The following TRMT44 variants were observed in gnomAD, a reference collection of about 807,000 sequenced individuals.
The protein encoded by TRMT44 is tRNA methyltransferase 44 homolog.
Under a neutral mutation model 77.3 loss-of-function variants are expected in TRMT44, and 78 were observed. The ratio of observed to expected loss-of-function variants is 1.01; its 90% CI spans 0.84 to 1.22. TRMT44 has a LOEUF of 1.22. Ranked by LOEUF, TRMT44 falls within the 50% of genes most tolerant of loss-of-function variation. TRMT44 has a pLI of 0.00. For missense variants in TRMT44, 1,090 were observed against 964.4 expected (o/e 1.13, Z -1.73); for synonymous variants, 391 against 383.3 (o/e 1.02, Z -0.23).
At chr4:8,503,343 A>G in the TRMT44 span, among the ~76,000 whole-genome samples, 1 of 152,226 alleles carries the variant, frequency 6.6e-6, no homozygotes, top group African/African-American at 2.4e-5. Flanking sequence ...TGGCTGCAGC[A>G]GTCGGACCGG....
Position 8,452,968 on chromosome 4 carries a change from C to T in TRMT44, c.1110C>T (p.Val370=), listed in dbSNP as rs193087059. ...TGGGATGTGGAAATGGCCTCCTGGT[C>T]CACATCCTGAGCAGTGAGGGGGTAA... is the stretch of plus-strand genomic sequence containing the variant. The part of the protein sequence containing the change: ...VDLGCGNGLL[V]HILSSEGHPG... Residue 370 remains valine (V), a synonymous_variant, in exon 5 of 11, where the codon GTC becomes GTT. Coordinates refer to ENST00000389737, the MANE Select transcript of TRMT44 (RefSeq NM_152544.3). The surrounding 1 kb of genome is among the most constrained non-coding windows in gnomAD (Gnocchi z 5.7). 1.1e-5 allele frequency: 17 copies of T among 1,529,802 alleles called. No homozygotes were observed. Among genetic ancestry groups the T allele is most frequent in the Non-Finnish European group, 1.5e-5 (17 of 1,144,026 alleles). 94.8% of individuals were successfully genotyped at this position (1,529,802 alleles called of 1,614,324 possible).
At chr4:8,463,892 C>A in intron 6 of TRMT44, 93 bp from the exon 7 acceptor site, 1 of 1,040,580 alleles carries the variant, frequency 9.6e-7, no homozygotes, top group Non-Finnish European at 1.5e-6. Context: ...CGCTGTGTGA[C>A]TCCAGAGCCT....
At position 8,476,004 on chromosome 4, in the gene TRMT44, T is replaced by C. The variant is rs537857986; in HGVS notation, c.*3T>C. ...CCCCGAGGAAGAAGATTTCATGAGC[T>C]GCATCCTTGCCAGCCGAGGCCTGGT... On this transcript the variant is annotated 3_prime_UTR_variant, in exon 11 of 11. Coordinates refer to ENST00000389737, the MANE Select transcript of TRMT44 (RefSeq NM_152544.3). 1.9e-6 allele frequency: 3 copies of C among 1,612,926 alleles called. No homozygotes were observed. The highest frequency in any genetic ancestry group is 4.5e-5 in the East Asian group (2 of 44,874).
At chr4:8,457,607 A>G (rs1227719371) in intron 6 of TRMT44, among the ~76,000 whole-genome samples, 2 of 152,186 alleles carry the variant, frequency 1.3e-5, no homozygotes, top group African/African-American at 4.8e-5. Context: ...GAGAACTACA[A>G]GAGAGAATAT....
intron 2 of TRMT44, among the ~76,000 whole-genome samples, chr4:8,485,872 C>T (rs549884176): frequency 1.3e-5 from 2 of 152,204 alleles, no homozygotes; most frequent in South Asian, 2.1e-4. Context: ...ATACCCACAA[C>T]AGTTATTGGG....
chr4:8,456,422 A>ACTTC (rs2109121270), intron 6 of TRMT44, among the ~76,000 whole-genome samples: 1 of 152,318 alleles, frequency 6.6e-6, no homozygotes, highest in Admixed American at 6.5e-5. Flanking sequence ...CAAGAAGCAG[A>ACTTC]GAAAAGTTAC....
downstream of TRMT44, among the ~76,000 whole-genome samples, chr4:8,480,630 T>G (rs1003674981): frequency 6.6e-6 from 1 of 152,226 alleles, no homozygotes; most frequent in South Asian, 2.1e-4. Context: ...CTTTATCTAT[T>G]GGGAAATTGC....
chr4:8,481,469 C>T (rs1727610517), downstream of TRMT44, among the ~76,000 whole-genome samples: 1 of 152,148 alleles, frequency 6.6e-6, no homozygotes, highest in Admixed American at 6.5e-5. Flanking sequence ...AAAACAAATA[C>T]TTTACAGGGA....
chr4:8,514,329 A>G, the TRMT44 span, among the ~76,000 whole-genome samples: 1 of 136,096 alleles, frequency 7.3e-6, no homozygotes, highest in Non-Finnish European at 1.5e-5. Context: ...ATCTCGGCTC[A>G]CTGCACCCTC....
the TRMT44 span, among the ~76,000 whole-genome samples, chr4:8,502,196 A>T: frequency 1.3e-5 from 2 of 152,236 alleles, no homozygotes; most frequent in Non-Finnish European, 2.9e-5. Flanking sequence ...ATACTCTGCC[A>T]GGAATGACTC....
At chr4:8,503,260 T>C in the TRMT44 span, among the ~76,000 whole-genome samples, 1 of 152,228 alleles carries the variant, frequency 6.6e-6, no homozygotes, top group Non-Finnish European at 1.5e-5. Flanking sequence ...GTCTACTCCA[T>C]TCACCTTGCA....
intron 2 of TRMT44, among the ~76,000 whole-genome samples, chr4:8,483,880 G>A (rs533499566): frequency 6.6e-6 from 1 of 152,282 alleles, no homozygotes; most frequent in East Asian, 1.9e-4. Context: ...AGACTAAGAG[G>A]TATTTTAGTT....
intron 2 of TRMT44, among the ~76,000 whole-genome samples, chr4:8,489,876 C>G (rs186379829): frequency 1.3e-5 from 2 of 152,322 alleles, no homozygotes; most frequent in Non-Finnish European, 2.9e-5. Flanking sequence ...AGGAGTCCTG[C>G]TAAGGCACAG....
chr4:8,487,626 C>T lies in TRMT44; in HGVS notation n.3892-5640C>T, dbSNP rs574519990. ...GGATTGGGGTACAGAGATAAGAGGT[C>T]GGGGCGTGGAAATAAGGGATTGGGG... is the stretch of plus-strand genomic sequence containing the variant. On this transcript the variant is annotated intron_variant and non_coding_transcript_variant, in intron 2 of 2. Transcript: ENST00000511366. Among the ~76,000 whole-genome samples the T allele has an allele frequency of 1.2e-3, 188 of 150,572 alleles. 1 individual carries two copies. The Middle Eastern group carries it at 0.021, about 17-fold the overall frequency.
the TRMT44 span, among the ~76,000 whole-genome samples, chr4:8,514,175 A>G: frequency 6.6e-6 from 1 of 151,846 alleles, no homozygotes; most frequent in African/African-American, 2.4e-5. Flanking sequence ...CCAGCTCTGC[A>G]CAGGGCACCT....
intron 2 of TRMT44, among the ~76,000 whole-genome samples, chr4:8,448,438 A>T (rs1230617458): frequency 6.6e-6 from 1 of 152,068 alleles, no homozygotes; most frequent in Non-Finnish European, 1.5e-5. Flanking sequence ...AGTGTGGCCG[A>T]GGTATGTGGG....
At chr4:8,449,272 T>C (rs1328366436) in intron 2 of TRMT44, among the ~76,000 whole-genome samples, 1 of 152,248 alleles carries the variant, frequency 6.6e-6, no homozygotes, top group African/African-American at 2.4e-5. Flanking sequence ...CTTCGCCTTC[T>C]GGCAAGTAGC....
chr4:8,466,838 T>G (rs1401248536), intron 8 of TRMT44, among the ~76,000 whole-genome samples: 1 of 152,234 alleles, frequency 6.6e-6, no homozygotes, highest in Non-Finnish European at 1.5e-5. Flanking sequence ...TTGTCATTTT[T>G]AAAGCAGTTC....
At chr4:8,470,916 C>A in intron 9 of TRMT44, 168 bp from the exon 10 acceptor site, 1 of 553,618 alleles carries the variant, frequency 1.8e-6, no homozygotes, top group South Asian at 2.5e-5. Context: ...ACGGCCCTCA[C>A]GGTTTGGTGC....
Sources: allele counts gnomAD v4.1 joint callset (sites outside exome capture counted in the v4.1 genomes callset), GRCh38; gene constraint gnomAD v4.1.1; non-coding constraint Gnocchi (gnomAD v3.1); transcripts MANE v1.5; gene names NCBI Gene and HGNC (gene_info 2026-07-23, HGNC 2026-07-21).